The following RAB3C variants were observed in gnomAD, a reference collection of about 807,000 sequenced individuals.
The protein encoded by RAB3C is RAB3C, member RAS oncogene family.
RAB3C carries 17 observed loss-of-function variants against 26.4 expected under a neutral mutation model. That is an observed-to-expected ratio of 0.64 (90% CI 0.44 to 0.97). The LOEUF is 0.97. RAB3C is among the 50% of genes least tolerant of loss of function. The probability of loss-of-function intolerance (pLI) is 0.00; values close to 1 mark genes in which losing one functional copy is unlikely to be tolerated. For missense variants in RAB3C, 242 were observed against 281.9 expected (o/e 0.86, Z 1.01); for synonymous variants, 91 against 95.9 (o/e 0.95, Z 0.30).
intron 4 of RAB3C, among the ~76,000 whole-genome samples, chr5:58,833,960 T>C (rs979528963): frequency 6.6e-6 from 1 of 152,236 alleles, no homozygotes; most frequent in African/African-American, 2.4e-5. Flanking sequence ...CCTTTCTTTT[T>C]AATGAAATCG....
intron 4 of RAB3C, among the ~76,000 whole-genome samples, chr5:58,828,373 T>G (rs1189913852): frequency 6.6e-6 from 1 of 152,244 alleles, no homozygotes; most frequent in Non-Finnish European, 1.5e-5. Context: ...TGGTGCTCTC[T>G]GTTCATCTCC....
intron 2 of RAB3C, among the ~76,000 whole-genome samples, chr5:58,653,035 A>C (rs1221609029): frequency 6.6e-6 from 1 of 152,148 alleles, no homozygotes; most frequent in African/African-American, 2.4e-5. Flanking sequence ...GGTTTGTTAC[A>C]TAGGTATACA....
At chr5:58,615,587 G>A (rs566577894) in intron 1 of RAB3C, among the ~76,000 whole-genome samples, 1 of 152,212 alleles carries the variant, frequency 6.6e-6, no homozygotes, top group Non-Finnish European at 1.5e-5. Context: ...TTGCCCTTTG[G>A]CCGGCATGTG....
intron 2 of RAB3C, among the ~76,000 whole-genome samples, chr5:58,694,980 G>C (rs1203541476): frequency 6.6e-6 from 1 of 152,142 alleles, no homozygotes; most frequent in Admixed American, 6.6e-5. Context: ...GTTGCTTTCG[G>C]TGTTTTAGTC....
chr5:58,767,067 C>A (rs138156773), intron 3 of RAB3C, among the ~76,000 whole-genome samples: 2 of 152,274 alleles, frequency 1.3e-5, no homozygotes, highest in African/African-American at 4.8e-5. Flanking sequence ...AAAATCATCA[C>A]CCTGTGGACA....
chr5:58,649,385 G>A (rs1747595488), intron 2 of RAB3C, among the ~76,000 whole-genome samples: 1 of 151,916 alleles, frequency 6.6e-6, no homozygotes, highest in Admixed American at 6.6e-5. Flanking sequence ...GCACTAACTT[G>A]CTTGCTGTGG....
At chr5:58,797,354 AT>A (rs58903990) in intron 3 of RAB3C, among the ~76,000 whole-genome samples, 14,459 of 57,276 alleles carry the variant, frequency 0.25, 1,882 homozygotes, top group East Asian at 0.31. Context: ...AAAAAAAAAA[AT>A]ATGTATATAT....
intron 3 of RAB3C, among the ~76,000 whole-genome samples, chr5:58,768,627 A>G (rs2111985304): frequency 6.6e-6 from 1 of 152,234 alleles, no homozygotes; most frequent in Admixed American, 6.5e-5. Context: ...GGAGGGTGCC[A>G]TATGAAAGAG....
At chr5:58,791,436 C>A (rs561740832) in intron 3 of RAB3C, among the ~76,000 whole-genome samples, 1 of 152,154 alleles carries the variant, frequency 6.6e-6, no homozygotes, top group Admixed American at 6.5e-5. Flanking sequence ...AAGGAATCCC[C>A]AGTGCAAACT....
chr5:58,609,987 G>T (rs928030835), intron 1 of RAB3C, among the ~76,000 whole-genome samples: 6 of 152,050 alleles, frequency 3.9e-5, no homozygotes, highest in African/African-American at 1.4e-4. Flanking sequence ...GCCAGAGATT[G>T]CAAAGCACAT....
intron 2 of RAB3C, among the ~76,000 whole-genome samples, chr5:58,645,048 A>G (rs1236531316): frequency 6.6e-6 from 1 of 152,260 alleles, no homozygotes; most frequent in Non-Finnish European, 1.5e-5. Context: ...CATTTGGGAA[A>G]CAGAATTTCC....
At chr5:58,636,726 G>A (rs984546738) in intron 2 of RAB3C, among the ~76,000 whole-genome samples, 2 of 152,150 alleles carry the variant, frequency 1.3e-5, no homozygotes, top group African/African-American at 2.4e-5. Context: ...TGAATCATAA[G>A]CCTTGGAATT....
chr5:58,653,625 A>C (rs1024964828), intron 2 of RAB3C, among the ~76,000 whole-genome samples: 1 of 152,248 alleles, frequency 6.6e-6, no homozygotes, highest in East Asian at 1.9e-4. Flanking sequence ...GTCCTAAAAA[A>C]GAATGAGTTC....
At position 58,821,965 on chromosome 5, in the gene RAB3C, C is replaced by T. The variant is rs139887240; in HGVS notation, c.372-3073C>T. Among the ~76,000 whole-genome samples the T allele has an allele frequency of 1.6e-4, 24 of 151,922 alleles. No individual in the cohort carries two copies. In the East Asian group the frequency reaches 4.6e-3, roughly 29 times the overall value. ...TGACTATTGTTTGTAACACCATTCC[C>T]AAGCTTTACTTTTTGACATGTTACA... is the stretch of plus-strand genomic sequence containing the variant. On this transcript the variant is annotated intron_variant, in intron 3 of 4. Coordinates refer to ENST00000282878, the MANE Select transcript of RAB3C (RefSeq NM_138453.4).
At chr5:58,613,288 G>A (rs1746753571) in intron 1 of RAB3C, among the ~76,000 whole-genome samples, 1 of 152,074 alleles carries the variant, frequency 6.6e-6, no homozygotes, top group Admixed American at 6.6e-5. Context: ...ACTTTTAAAG[G>A]TTAAGAATTT....
chr5:58,723,597 G>C (rs537233168), intron 2 of RAB3C, among the ~76,000 whole-genome samples: 1 of 151,892 alleles, frequency 6.6e-6, no homozygotes, highest in South Asian at 2.1e-4. Context: ...TCATGGTGGG[G>C]TGTAAGCATC....
intron 2 of RAB3C, among the ~76,000 whole-genome samples, chr5:58,636,808 G>C (rs1747299418): frequency 6.6e-6 from 1 of 152,082 alleles, no homozygotes. Flanking sequence ...AGATAGGAAG[G>C]GCATATGAGA....
At chr5:58,788,842 T>C (rs945604844) in intron 3 of RAB3C, among the ~76,000 whole-genome samples, 17 of 152,198 alleles carry the variant, frequency 1.1e-4, no homozygotes, top group African/African-American at 3.9e-4. Flanking sequence ...TTTTGGATAA[T>C]GGTATGTAAA....
chr5:58,830,138 T>C (rs1743580541), intron 4 of RAB3C, among the ~76,000 whole-genome samples: 1 of 152,150 alleles, frequency 6.6e-6, no homozygotes, highest in South Asian at 2.1e-4. Flanking sequence ...GTCTATATAC[T>C]CCGAAACATA....
Sources: allele counts gnomAD v4.1 joint callset (sites outside exome capture counted in the v4.1 genomes callset), GRCh38; gene constraint gnomAD v4.1.1; transcripts MANE v1.5; gene names NCBI Gene and HGNC (gene_info 2026-07-23, HGNC 2026-07-21).